The following EXD3 variants were observed in gnomAD, a reference collection of about 807,000 sequenced individuals.
EXD3 encodes the protein exonuclease mut-7 homolog.
In EXD3, 92 loss-of-function variants were observed where a neutral mutation model predicts 98.0. The observed-to-expected ratio is 0.94, with a 90% confidence interval of 0.79 to 1.12. The LOEUF (loss-of-function observed/expected upper bound fraction) is 1.12, where lower values mean the gene tolerates loss of function less well. EXD3 is among the 50% of genes most tolerant of loss of function. EXD3 has a pLI of 0.00. For synonymous variants in EXD3, 569 were observed against 526.0 expected (o/e 1.08, Z -1.12); for missense variants, 1,222 against 1,191.6 (o/e 1.03, Z -0.38).
intron 8 of EXD3, among the ~76,000 whole-genome samples, chr9:137,355,500 GGAGGAAGGAGGAAGGAGGAA>G (rs1834631349): frequency 1.2e-5 from 1 of 82,270 alleles, no homozygotes; most frequent in African/African-American, 4.7e-5. Context: ...GATGGAGGAA[GGAGGAAGGAGGAAGGAGGAA>G]GGAGGATGGA....
rs533388233 is a variant in EXD3, at chr9:137,324,923, A to T, written c.1999-780T>A. 6.6e-6 allele frequency among the ~76,000 whole-genome samples: 1 copy of T among 152,014 alleles called. No homozygotes were observed. Among genetic ancestry groups the T allele is most frequent in the Non-Finnish European group, 1.5e-5 (1 of 68,024 alleles). Reference sequence around the variant, plus strand: ...TAGCCAGGATGGTCTCGATCTCCTGACCTCGTGATCTGCCCGCCTCGGCCT... The same window carrying T: ...TAGCCAGGATGGTCTCGATCTCCTGTCCTCGTGATCTGCCCGCCTCGGCCT... On this transcript the variant is annotated intron_variant, in intron 17 of 21. Transcript: ENST00000340951. The surrounding 1 kb of genome is among the most constrained non-coding windows in gnomAD (Gnocchi z 4.1).
chr9:137,331,951 A>T lies in EXD3; in HGVS notation c.1999-7808T>A, dbSNP rs117870354. ...AATAAATAAATAAAAAAGTGAAAAA[A>T]GAACTCAATCCTTTTTACAATATCT... On this transcript the variant is annotated intron_variant, in intron 17 of 21. Coordinates refer to ENST00000340951, the MANE Select transcript of EXD3 (RefSeq NM_017820.5). Among the ~76,000 whole-genome samples, 28 of 152,248 alleles carry T rather than the reference A, an allele frequency of 1.8e-4. No homozygotes were observed. In the East Asian group the frequency reaches 5.4e-3, roughly 29 times the overall value.
At chr9:137,361,978 C>G (rs547435304) in intron 7 of EXD3, among the ~76,000 whole-genome samples, 10 of 152,020 alleles carry the variant, frequency 6.6e-5, no homozygotes, top group Admixed American at 1.3e-4. Flanking sequence ...AGTTTGACAA[C>G]TTAGATAAAA....
chr9:137,404,238 G>A (rs943411805), intron 1 of EXD3, among the ~76,000 whole-genome samples: 1 of 152,146 alleles, frequency 6.6e-6, no homozygotes, highest in Non-Finnish European at 1.5e-5. Flanking sequence ...GGGAATTTGG[G>A]GGGAAACAAC....
intron 19 of EXD3, among the ~76,000 whole-genome samples, chr9:137,314,832 G>A (rs1042002684): frequency 9.9e-5 from 15 of 152,192 alleles, no homozygotes; most frequent in Admixed American, 7.8e-4. Flanking sequence ...CCCTGAGTGT[G>A]GGAGAGGAGT....
intron 17 of EXD3, among the ~76,000 whole-genome samples, chr9:137,340,488 A>T (rs1833591231): frequency 6.6e-6 from 1 of 152,078 alleles, no homozygotes; most frequent in Non-Finnish European, 1.5e-5. Context: ...AAAGAAAAAA[A>T]AAAGAAAGAG....
chr9:137,403,183 T>C lies in EXD3; in HGVS notation c.-47-7779A>G, dbSNP rs1837550495. 6.6e-6 allele frequency among the ~76,000 whole-genome samples: 1 copy of C among 151,970 alleles called. No individual in the cohort carries two copies. Among genetic ancestry groups the C allele is most frequent in the Admixed American group, 6.6e-5 (1 of 15,242 alleles). On this transcript the variant is annotated intron_variant, in intron 1 of 21. Transcript: ENST00000340951. This position sits in a 1 kb window ranked among gnomAD's most constrained non-coding sequence, Gnocchi z 6.1. ...CTCCATGGCAGTGTGGGGACTGCTA[T>C]GCATATCTGAAAGTGAGGCACTAGT...
intron 17 of EXD3, among the ~76,000 whole-genome samples, chr9:137,338,357 A>G (rs1412078468): frequency 6.6e-6 from 1 of 152,224 alleles, no homozygotes; most frequent in Non-Finnish European, 1.5e-5. Context: ...AAAACACTGT[A>G]TATCAAAACT....
intron 20 of EXD3, 29 bp downstream of exon 20, chr9:137,309,578 G>C: frequency 6.5e-7 from 1 of 1,534,980 alleles, no homozygotes; most frequent in South Asian, 1.2e-5. Context: ...AGGCCCCCCA[G>C]ACCCAGTGCC....
chr9:137,382,730 G>A (rs758924854), intron 3 of EXD3, among the ~76,000 whole-genome samples: 3 of 151,976 alleles, frequency 2.0e-5, no homozygotes, highest in Non-Finnish European at 4.4e-5. Context: ...GTTGGAGGGC[G>A]TCCCCCGGAC....
chr9:137,330,964 G>GT (rs773669506), intron 17 of EXD3, among the ~76,000 whole-genome samples: 10 of 152,152 alleles, frequency 6.6e-5, no homozygotes, highest in Non-Finnish European at 1.0e-4. Flanking sequence ...ACAGCATCGT[G>GT]TTAACATTCT....
At chr9:137,364,597 G>A (rs1835129979) in intron 7 of EXD3, among the ~76,000 whole-genome samples, 1 of 150,946 alleles carries the variant, frequency 6.6e-6, no homozygotes, top group Non-Finnish European at 1.5e-5. Flanking sequence ...ACTCCAGCCT[G>A]GGCGACAAAG....
At chr9:137,318,499 G>T (rs1831837928) in intron 19 of EXD3, among the ~76,000 whole-genome samples, 1 of 152,172 alleles carries the variant, frequency 6.6e-6, no homozygotes, top group Non-Finnish European at 1.5e-5. Flanking sequence ...GACTGGGACG[G>T]TAAAAATAGA....
chr9:137,397,892 G>A (rs771018134), intron 1 of EXD3, among the ~76,000 whole-genome samples: 11 of 152,178 alleles, frequency 7.2e-5, no homozygotes, highest in East Asian at 3.8e-4. Context: ...GCAGTGAGCC[G>A]AGATCGCACC....
rs1835578557 is a variant in EXD3, at chr9:137,371,207, G to A, written c.462+1698C>T. 6.6e-6 allele frequency among the ~76,000 whole-genome samples: 1 copy of A among 152,202 alleles called. No individual in the cohort carries two copies. The highest frequency in any genetic ancestry group is 6.5e-5 in the Admixed American group (1 of 15,288). ...AGAAGACGGCCCGAAACACTAGCCT[G>A]CCTTCTGCCTCCCTGCACTCTCCGC... On this transcript the variant is annotated intron_variant, in intron 5 of 21. Coordinates refer to ENST00000340951, the MANE Select transcript of EXD3 (RefSeq NM_017820.5). The surrounding 1 kb of genome is among the most constrained non-coding windows in gnomAD (Gnocchi z 8.0).
chr9:137,396,974 A>C (rs536832655), intron 1 of EXD3, among the ~76,000 whole-genome samples: 6 of 152,258 alleles, frequency 3.9e-5, no homozygotes, highest in Non-Finnish European at 8.8e-5. Context: ...CACCATGCCG[A>C]GGGGGCCACT....
rs1223294511 is a variant in EXD3, at chr9:137,349,494, CT to C, written c.1531del (p.Arg511GlyfsTer5). The part of the protein sequence containing the change: ...VASVPAPAVD[R>X]ARELRGLSLL... The stretch of plus-strand genomic sequence containing the variant: ...GCTCAGGCCCCTCAGCTCCCTGGCC[CT>C]GTCCACGGCTGGGGCTGGCACGCTC... On this transcript the variant is annotated frameshift_variant, in exon 15 of 22. Transcript: ENST00000340951. LOFTEE classifies it high-confidence loss of function. This position sits in a 1 kb window ranked among gnomAD's most constrained non-coding sequence, Gnocchi z 7.4. The C allele has an allele frequency of 1.5e-5, 24 of 1,601,876 alleles. No homozygotes were observed. The highest frequency in any genetic ancestry group is 1.9e-5 in the Non-Finnish European group (22 of 1,176,854).
intron 3 of EXD3, among the ~76,000 whole-genome samples, chr9:137,382,775 C>T (rs1205152266): frequency 6.6e-6 from 1 of 152,162 alleles, no homozygotes; most frequent in African/African-American, 2.4e-5. Flanking sequence ...GGACGCGGCA[C>T]TCAGGACTTG....
chr9:137,327,523 G>T (rs962841720), intron 17 of EXD3, among the ~76,000 whole-genome samples: 1 of 152,000 alleles, frequency 6.6e-6, no homozygotes, highest in Non-Finnish European at 1.5e-5. Flanking sequence ...CCACTGAATT[G>T]TACACTTAAA....
Sources: gnomAD v4.1 joint callset for allele counts (sites outside exome capture counted in the v4.1 genomes callset) on GRCh38, gnomAD v4.1.1 for gene constraint, Gnocchi (gnomAD v3.1) non-coding constraint, MANE v1.5 for transcripts, NCBI Gene and HGNC (gene_info 2026-07-23, HGNC 2026-07-21) for gene names.